ATG16L1: variants seen among roughly 807,000 people sequenced by gnomAD.
The protein encoded by ATG16L1 is autophagy related 16 like 1.
ATG16L1 carries 37 observed loss-of-function variants against 88.5 expected under a neutral mutation model. The observed-to-expected ratio is 0.42, with a 90% CI of 0.32 to 0.55. The LOEUF is 0.55. ATG16L1 is among the 20% of genes least tolerant of loss of function. The probability of loss-of-function intolerance (pLI) is 0.13; values close to 1 mark genes in which losing one functional copy is unlikely to be tolerated. For synonymous variants in ATG16L1, 301 were observed against 281.0 expected, an observed-to-expected ratio of 1.07 and a Z score of -0.71; for missense variants, 554 against 752.8, an observed-to-expected ratio of 0.74 and a Z score of 3.09.
At chr2:233,293,130 G>C in intron 16 of ATG16L1, 126 bp from the exon 17 acceptor site, 1 of 805,394 alleles carries the variant, frequency 1.2e-6, no homozygotes, top group South Asian at 1.6e-5. Flanking sequence ...CACACATTCT[G>C]AGGTCTGGGT....
chr2:233,263,007 A>G (rs765847294), intron 2 of ATG16L1, 123 bp from the exon 3 acceptor site: 2 of 835,578 alleles, frequency 2.4e-6, no homozygotes, highest in Non-Finnish European at 3.9e-6. Context: ...CGAATGGTTT[A>G]TTGGCTTTGT....
chr2:233,257,756 C>T (rs1449937845), intron 2 of ATG16L1, among the ~76,000 whole-genome samples: 1 of 152,098 alleles, frequency 6.6e-6, no homozygotes, highest in African/African-American at 2.4e-5. Context: ...CCTGTAATCC[C>T]AGCACTTTGG....
chr2:233,276,363 C>T (rs1353580669), intron 9 of ATG16L1, among the ~76,000 whole-genome samples: 2 of 152,182 alleles, frequency 1.3e-5, no homozygotes, highest in East Asian at 3.8e-4. Flanking sequence ...TTCCCCCCCA[C>T]ACTTATGCTG....
chr2:233,292,463 T>G, intron 16 of ATG16L1, 29 bp downstream of exon 16: 1 of 1,612,092 alleles, frequency 6.2e-7, no homozygotes, highest in Non-Finnish European at 8.5e-7. Context: ...CCCGCCAATT[T>G]GGTTCATCAC....
At chr2:233,268,109 C>T (rs1697735001) in intron 5 of ATG16L1, among the ~76,000 whole-genome samples, 1 of 152,204 alleles carries the variant, frequency 6.6e-6, no homozygotes, top group African/African-American at 2.4e-5. Flanking sequence ...ACTCTGCCTC[C>T]TTCCCTTATG....
chr2:233,264,198 A>C, intron 4 of ATG16L1, 133 bp downstream of exon 4: 1 of 843,902 alleles, frequency 1.2e-6, no homozygotes, highest in Non-Finnish European at 1.9e-6. Flanking sequence ...TTTTCAGTGC[A>C]TACACACTCT....
chr2:233,286,621 C>CTTTTTTTTTTTTTTTTTTTTT (rs10676895), intron 12 of ATG16L1, among the ~76,000 whole-genome samples: 2 of 93,296 alleles, frequency 2.1e-5, no homozygotes, highest in African/African-American at 4.7e-5. Context: ...GAAGCCCAAA[C>CTTTTTTTTTTTTTTTTTTTTT]TTTTTTTTTT....
chr2:233,293,782 C>A (rs917055576), intron 17 of ATG16L1, among the ~76,000 whole-genome samples: 1 of 152,182 alleles, frequency 6.6e-6, no homozygotes, highest in Non-Finnish European at 1.5e-5. Context: ...ACCTGATAGG[C>A]AGGCCCCAGA....
At chr2:233,252,421 G>T (rs148280045) in intron 1 of ATG16L1, among the ~76,000 whole-genome samples, 47 of 151,840 alleles carry the variant, frequency 3.1e-4, no homozygotes, top group African/African-American at 9.9e-4. Context: ...TTGCTGTGTC[G>T]CCGAGCCTGG....
At chr2:233,286,621 CTTTTTTTTT>C (rs10676895) in intron 12 of ATG16L1, among the ~76,000 whole-genome samples, 9 of 93,292 alleles carry the variant, frequency 9.6e-5, no homozygotes, top group African/African-American at 3.7e-4. Context: ...GAAGCCCAAA[CTTTTTTTTT>C]TTTTTTTTTT....
chr2:233,264,141 A>G (rs1028104267), intron 4 of ATG16L1, 76 bp downstream of exon 4: 2 of 1,492,164 alleles, frequency 1.3e-6, no homozygotes, highest in African/African-American at 1.4e-5. Flanking sequence ...TCTTGTGAGC[A>G]GGGCCAGTGG....
In ATG16L1 at chr2:233,251,953, C is replaced by T. The variant is rs1696399065; in HGVS notation, c.115+11C>T. On this transcript the variant is annotated intron_variant, in intron 1 of 17. Coordinates refer to ENST00000392017, the MANE Select transcript of ATG16L1 (RefSeq NM_030803.7). ...AGATCATCCTGCAGTGTGAGCGGCG[C>T]CGGTGCGGGCTGGGAGTGGGGCGGG... 6.5e-7 allele frequency: 1 copy of T among 1,534,522 alleles called. No individual in the cohort carries two copies. Among genetic ancestry groups the T allele is most frequent in the Non-Finnish European group, 8.8e-7 (1 of 1,141,002 alleles).
chr2:233,263,852 G>A, intron 3 of ATG16L1, 140 bp from the exon 4 acceptor site: 1 of 655,810 alleles, frequency 1.5e-6, no homozygotes, highest in Non-Finnish European at 2.6e-6. Flanking sequence ...GTTCCCCTTT[G>A]TGTCCCCATA....
chr2:233,291,701 G>A (rs1206828688), intron 14 of ATG16L1, among the ~76,000 whole-genome samples: 2 of 152,200 alleles, frequency 1.3e-5, no homozygotes, highest in East Asian at 3.9e-4. Flanking sequence ...GAGCCACAGT[G>A]AATAGGGCAG....
chr2:233,278,084 C>T (rs942419005), intron 10 of ATG16L1, among the ~76,000 whole-genome samples: 1 of 152,150 alleles, frequency 6.6e-6, no homozygotes, highest in African/African-American at 2.4e-5. Context: ...CATTTAATGA[C>T]AATTGCAATA....
intron 7 of ATG16L1, 70 bp downstream of exon 7, chr2:233,273,122 G>C (rs144135033): frequency 7.6e-7 from 1 of 1,321,566 alleles, no homozygotes; most frequent in African/African-American, 1.4e-5. Flanking sequence ...CTGTGGACAT[G>C]ACAAAGAATG....
chr2:233,260,016 G>A (rs1284993312), intron 2 of ATG16L1, among the ~76,000 whole-genome samples: 1 of 152,120 alleles, frequency 6.6e-6, no homozygotes, highest in African/African-American at 2.4e-5. Context: ...GTCTAGTGGG[G>A]GAGACCAACT....
chr2:233,281,158 ATTGAAT>A lies in ATG16L1; in HGVS notation c.1119_1124del (p.Glu373_Phe374del). ...TGGCAGTAATGCAGGAATTACAAGC[ATTGAAT>A]TTGATAGTGCTGTAAGTATTGAATA... On this transcript the variant is annotated inframe_deletion, in exon 11 of 18. Transcript: ENST00000392017. The A allele has an allele frequency of 6.2e-7, 1 of 1,602,644 alleles. No individual in the cohort carries two copies. Among genetic ancestry groups the A allele is most frequent in the Non-Finnish European group, 8.5e-7 (1 of 1,176,396 alleles).
intron 5 of ATG16L1, 125 bp downstream of exon 5, chr2:233,265,268 C>A: frequency 8.0e-7 from 1 of 1,256,612 alleles, no homozygotes; most frequent in Non-Finnish European, 1.1e-6. Context: ...TTCAGTGTTT[C>A]AAGGAGAAAA....
Sources: allele counts gnomAD v4.1 joint callset (sites outside exome capture counted in the v4.1 genomes callset), GRCh38; gene constraint gnomAD v4.1.1; transcripts MANE v1.5; gene names NCBI Gene and HGNC (gene_info 2026-07-23, HGNC 2026-07-21).